MDGA2: variants seen among roughly 807,000 people sequenced by gnomAD.
The protein encoded by MDGA2 is MAM domain-containing glycosylphosphatidylinositol anchor protein 2.
A neutral mutation model predicts 117.8 loss-of-function variants in MDGA2; 40 were observed. The observed-to-expected ratio is 0.34, with a 90% confidence interval of 0.26 to 0.44. The LOEUF (loss-of-function observed/expected upper bound fraction) is 0.44. Ranked by LOEUF, MDGA2 falls within the 20% of genes least tolerant of loss-of-function variation. MDGA2 has a pLI of 1.00. For synonymous variants in MDGA2, 452 were observed against 439.0 expected (o/e 1.03, Z -0.37); for missense variants, 1,123 against 1,250.6 (o/e 0.90, Z 1.54).
chr14:47,494,182 C>T (rs756164501), intron 1 of MDGA2, among the ~76,000 whole-genome samples: 1 of 152,164 alleles, frequency 6.6e-6, no homozygotes, highest in Non-Finnish European at 1.5e-5. Flanking sequence ...CTGTGTGAAT[C>T]AATTAAACCT....
chr14:47,355,869 T>C (rs1890982778), intron 1 of MDGA2, among the ~76,000 whole-genome samples: 1 of 152,180 alleles, frequency 6.6e-6, no homozygotes, highest in Admixed American at 6.5e-5. Context: ...GATGCTTCTC[T>C]TTTGACAGTT....
intron 1 of MDGA2, among the ~76,000 whole-genome samples, chr14:47,471,674 A>C (rs1893731579): frequency 6.6e-6 from 1 of 152,084 alleles, no homozygotes; most frequent in Non-Finnish European, 1.5e-5. Context: ...AATAATTCTA[A>C]ATTTCAACAT....
chr14:46,908,019 T>C (rs1040411522), intron 10 of MDGA2, among the ~76,000 whole-genome samples: 8 of 152,158 alleles, frequency 5.3e-5, no homozygotes, highest in South Asian at 2.1e-4. Flanking sequence ...TTGTGTTACA[T>C]TGATATAAGT....
chr14:47,425,320 C>T (rs1207063643), intron 1 of MDGA2, among the ~76,000 whole-genome samples: 1 of 152,084 alleles, frequency 6.6e-6, no homozygotes, highest in Non-Finnish European at 1.5e-5. Context: ...TCGATCCAGA[C>T]AATAAAATGA....
intron 1 of MDGA2, among the ~76,000 whole-genome samples, chr14:47,318,809 A>AAG (rs1566736480): frequency 6.5e-5 from 6 of 91,690 alleles, no homozygotes; most frequent in African/African-American, 2.1e-4. Context: ...AAGGGAGGAA[A>AAG]GAAGGAAGGA....
At chr14:47,619,328 T>C (rs1376173043) in intron 1 of MDGA2, among the ~76,000 whole-genome samples, 1 of 152,206 alleles carries the variant, frequency 6.6e-6, no homozygotes, top group Non-Finnish European at 1.5e-5. Flanking sequence ...TATGGTACAG[T>C]AGTTAGCTGC....
At chr14:47,018,747 A>AAAAAAG (rs1888175425) in intron 8 of MDGA2, among the ~76,000 whole-genome samples, 1 of 147,676 alleles carries the variant, frequency 6.8e-6, no homozygotes, top group South Asian at 2.1e-4. Context: ...AAAAAAAAAA[A>AAAAAAG]AAAAAAAAAA....
intron 1 of MDGA2, among the ~76,000 whole-genome samples, chr14:47,521,954 GA>G (rs1398387863): frequency 2.0e-5 from 3 of 152,020 alleles, no homozygotes; most frequent in Non-Finnish European, 4.4e-5. Context: ...TTACAAACGT[GA>G]ACCACCGCAC....
At chr14:46,912,146 C>T (rs549128501) in intron 10 of MDGA2, among the ~76,000 whole-genome samples, 8 of 152,262 alleles carry the variant, frequency 5.3e-5, no homozygotes, top group South Asian at 4.1e-4. Context: ...TTCTCATCAA[C>T]GTTATAACCA....
chr14:47,602,910 C>T (rs1896674305), intron 1 of MDGA2, among the ~76,000 whole-genome samples: 1 of 152,100 alleles, frequency 6.6e-6, no homozygotes, highest in African/African-American at 2.4e-5. Flanking sequence ...CACTGGAGTC[C>T]AAGTGAAGTA....
intron 3 of MDGA2, among the ~76,000 whole-genome samples, chr14:47,165,142 C>A (rs1040389970): frequency 1.3e-5 from 2 of 152,038 alleles, no homozygotes; most frequent in Non-Finnish European, 2.9e-5. Flanking sequence ...AGGAGATATA[C>A]CTGATGTAAA....
chr14:47,014,117 G>A (rs916493681), intron 8 of MDGA2, among the ~76,000 whole-genome samples: 1 of 151,860 alleles, frequency 6.6e-6, no homozygotes, highest in Non-Finnish European at 1.5e-5. Context: ...CTTTATCAGA[G>A]TTATTGAGTG....
chr14:47,040,153 G>A (rs531955809), intron 7 of MDGA2, among the ~76,000 whole-genome samples: 1 of 152,050 alleles, frequency 6.6e-6, no homozygotes, highest in African/African-American at 2.4e-5. Context: ...CTCACATAGA[G>A]AAACACAGTA....
intron 4 of MDGA2, among the ~76,000 whole-genome samples, chr14:47,141,328 G>A (rs1882708675): frequency 1.3e-5 from 2 of 152,126 alleles, no homozygotes. Context: ...GTATGTCGAG[G>A]AGATACCTGC....
chr14:47,218,062 A>G lies in MDGA2; in HGVS notation c.554T>C (p.Leu185Ser). The change falls in exon 3 of 17, where the codon TTG becomes TCG. Residue 185 changes from leucine (L) to serine (S), a missense_variant. Leu to Ser is a moderately radical substitution (Grantham distance 145). Coordinates refer to ENST00000399232, the MANE Select transcript of MDGA2 (RefSeq NM_001113498.3). ...GATTGACTTTATCGCTGGAGACCCCAAGCCATTCTCTGCTTTACAGTAATA... is the reference window on the plus strand; with the variant it reads ...GATTGACTTTATCGCTGGAGACCCCGAGCCATTCTCTGCTTTACAGTAATA... ...GRYYCKAENG[L>S]GSPAIKSIRV... 1 of 1,551,364 alleles carries G rather than the reference A, an allele frequency of 6.4e-7. No individual in the cohort carries two copies. The highest frequency in any genetic ancestry group is 8.7e-7 in the Non-Finnish European group (1 of 1,146,632).
intron 5 of MDGA2, among the ~76,000 whole-genome samples, chr14:47,127,516 C>G (rs1881967076): frequency 6.6e-6 from 1 of 152,076 alleles, no homozygotes; most frequent in African/African-American, 2.4e-5. Flanking sequence ...TATGACATGT[C>G]TGATTACAGT....
intron 11 of MDGA2, among the ~76,000 whole-genome samples, chr14:46,878,103 T>A (rs1882302246): frequency 6.6e-6 from 1 of 151,986 alleles, no homozygotes; most frequent in Admixed American, 6.6e-5. Flanking sequence ...CACAGAATTT[T>A]AAAATGATGA....
intron 7 of MDGA2, among the ~76,000 whole-genome samples, chr14:47,053,457 T>C (rs1413036683): frequency 6.6e-6 from 1 of 151,556 alleles, no homozygotes. Flanking sequence ...ATACATCCTT[T>C]ATGTGACATT....
intron 6 of MDGA2, among the ~76,000 whole-genome samples, chr14:47,086,755 C>T (rs541326314): frequency 1.3e-5 from 2 of 152,246 alleles, no homozygotes; most frequent in South Asian, 4.1e-4. Flanking sequence ...TAGATACTCT[C>T]ATTTTTCAAA....
Sources: allele counts gnomAD v4.1 joint callset (sites outside exome capture counted in the v4.1 genomes callset), GRCh38; gene constraint gnomAD v4.1.1; transcripts MANE v1.5; gene names NCBI Gene and HGNC (gene_info 2026-07-23, HGNC 2026-07-21).